The following PDZRN3 variants were observed in gnomAD, a reference collection of about 807,000 sequenced individuals.
The protein encoded by PDZRN3 is E3 ubiquitin-protein ligase PDZRN3.
A neutral mutation model predicts 85.7 loss-of-function variants in PDZRN3; 38 were observed. That is an observed-to-expected ratio of 0.44 (90% CI 0.34 to 0.58). PDZRN3 has a LOEUF of 0.58. Ranked by LOEUF, PDZRN3 falls within the 20% of genes least tolerant of loss-of-function variation. The pLI is 0.01. For missense variants in PDZRN3, 1,629 were observed against 1,506.4 expected (o/e 1.08, Z -1.35); for synonymous variants, 759 against 638.0 (o/e 1.19, Z -2.86).
At chr3:73,601,582 C>T (rs541553587) in intron 3 of PDZRN3, among the ~76,000 whole-genome samples, 2 of 152,196 alleles carry the variant, frequency 1.3e-5, no homozygotes, top group African/African-American at 4.8e-5. Flanking sequence ...GGTCAAAACA[C>T]CAGTAAAAAA....
At chr3:73,581,681 A>T (rs894962151) in intron 3 of PDZRN3, among the ~76,000 whole-genome samples, 2 of 152,198 alleles carry the variant, frequency 1.3e-5, no homozygotes, top group Admixed American at 6.5e-5. Flanking sequence ...ATGCAACATC[A>T]TGCATTTATT....
At chr3:73,440,434 G>A (rs1180707891) in intron 3 of PDZRN3, among the ~76,000 whole-genome samples, 1 of 152,174 alleles carries the variant, frequency 6.6e-6, no homozygotes, top group Non-Finnish European at 1.5e-5. Context: ...AGGCATCCCT[G>A]CCCTAGGCCA....
intron 1 of PDZRN3, among the ~76,000 whole-genome samples, chr3:73,612,324 C>T (rs948533019): frequency 1.3e-5 from 2 of 152,152 alleles, no homozygotes; most frequent in East Asian, 1.9e-4. Flanking sequence ...CTGGTGCCTA[C>T]GATCTTTGTA....
At chr3:73,519,284 T>A (rs1311324420) in intron 3 of PDZRN3, among the ~76,000 whole-genome samples, 2 of 152,046 alleles carry the variant, frequency 1.3e-5, no homozygotes, top group Admixed American at 1.3e-4. Flanking sequence ...TACAGCTGAA[T>A]GAAAAACAGC....
At chr3:73,509,551 C>T (rs1256297354) in intron 3 of PDZRN3, among the ~76,000 whole-genome samples, 1 of 152,136 alleles carries the variant, frequency 6.6e-6, no homozygotes, top group Non-Finnish European at 1.5e-5. Flanking sequence ...AGGGGCGTTC[C>T]CTCAGTACTC....
chr3:73,416,558 G>A (rs1238440827), intron 3 of PDZRN3, among the ~76,000 whole-genome samples: 1 of 151,882 alleles, frequency 6.6e-6, no homozygotes, highest in African/African-American at 2.4e-5. Flanking sequence ...CCTAACCTGG[G>A]GTATTATTTA....
At position 73,496,278 on chromosome 3, in the gene PDZRN3, C is replaced by A. The variant is rs184465485; in HGVS notation, c.919-91883G>T. On this transcript the variant is annotated intron_variant, in intron 3 of 9. Coordinates refer to ENST00000263666, the MANE Select transcript of PDZRN3 (RefSeq NM_015009.3). ...AGGGTTACAATCCAATTACCTCATTCTTTTTCTTCGGAGAGGTAAATATTC... is the reference window on the plus strand; with the variant it reads ...AGGGTTACAATCCAATTACCTCATTATTTTTCTTCGGAGAGGTAAATATTC... Among the ~76,000 whole-genome samples, 4 of 152,258 alleles carry A rather than the reference C, an allele frequency of 2.6e-5. No homozygotes were observed. In the East Asian group the frequency reaches 7.7e-4, roughly 29 times the overall value.
intron 3 of PDZRN3, among the ~76,000 whole-genome samples, chr3:73,479,626 C>A (rs1703523619): frequency 6.6e-6 from 1 of 152,160 alleles, no homozygotes; most frequent in Non-Finnish European, 1.5e-5. Context: ...GTTTGCTGAA[C>A]AGGCCCAAGC....
intron 3 of PDZRN3, among the ~76,000 whole-genome samples, chr3:73,444,936 G>A (rs1702719077): frequency 6.6e-6 from 1 of 152,202 alleles, no homozygotes; most frequent in African/African-American, 2.4e-5. Flanking sequence ...GGGCTGTGGT[G>A]CCTAGGGAAG....
At chr3:73,446,480 A>G (rs1395708312) in intron 3 of PDZRN3, among the ~76,000 whole-genome samples, 3 of 152,216 alleles carry the variant, frequency 2.0e-5, no homozygotes, top group Non-Finnish European at 4.4e-5. Context: ...TTTGTCTTAT[A>G]AGGACATTTA....
chr3:73,588,113 G>A (rs1702303774), intron 3 of PDZRN3, among the ~76,000 whole-genome samples: 1 of 152,124 alleles, frequency 6.6e-6, no homozygotes, highest in African/African-American at 2.4e-5. Flanking sequence ...AGGCCCTGGT[G>A]TGTGCTGTTC....
chr3:73,569,404 A>G, intron 3 of PDZRN3: 5 of 1,169,416 alleles, frequency 4.3e-6, no homozygotes, highest in Non-Finnish European at 5.3e-6. Flanking sequence ...TACCTGTACA[A>G]GAGTACATAT....
At chr3:73,605,877 T>G (rs899538488) in intron 2 of PDZRN3, among the ~76,000 whole-genome samples, 4 of 152,242 alleles carry the variant, frequency 2.6e-5, no homozygotes, top group African/African-American at 9.6e-5. Context: ...TTGAAAATAC[T>G]AATGCAAGCT....
At chr3:73,608,737 T>A in intron 1 of PDZRN3, 53 bp from the exon 2 acceptor site, 2 of 1,101,316 alleles carry the variant, frequency 1.8e-6, no homozygotes, top group Non-Finnish European at 2.7e-6. Flanking sequence ...GAATAGATGG[T>A]AGGAATTTTC....
intron 3 of PDZRN3, among the ~76,000 whole-genome samples, chr3:73,433,237 A>G (rs1410111013): frequency 6.6e-6 from 1 of 152,244 alleles, no homozygotes; most frequent in African/African-American, 2.4e-5. Flanking sequence ...GGAGCGCCTT[A>G]TAACTATTTG....
chr3:73,579,796 A>G (rs576553607), intron 3 of PDZRN3, among the ~76,000 whole-genome samples: 18 of 152,296 alleles, frequency 1.2e-4, no homozygotes, highest in African/African-American at 4.1e-4. Flanking sequence ...GGTTTGCTCC[A>G]TGGGATCTAT....
At chr3:73,414,785 A>C (rs940338956) in intron 3 of PDZRN3, among the ~76,000 whole-genome samples, 1 of 152,218 alleles carries the variant, frequency 6.6e-6, no homozygotes, top group Non-Finnish European at 1.5e-5. Context: ...ATAAATTATG[A>C]CAGATCTTCT....
intron 3 of PDZRN3, among the ~76,000 whole-genome samples, chr3:73,512,485 A>G (rs1704184925): frequency 6.6e-6 from 1 of 152,104 alleles, no homozygotes; most frequent in Non-Finnish European, 1.5e-5. Flanking sequence ...ATAAAACCCA[A>G]TGGCAGGCAT....
intron 3 of PDZRN3, among the ~76,000 whole-genome samples, chr3:73,514,773 A>G (rs543213345): frequency 6.6e-6 from 1 of 152,196 alleles, no homozygotes; most frequent in Non-Finnish European, 1.5e-5. Flanking sequence ...CACAATCTTG[A>G]GCTAAAATTG....
Sources: gnomAD v4.1 joint callset for allele counts (sites outside exome capture counted in the v4.1 genomes callset) on GRCh38, gnomAD v4.1.1 for gene constraint, MANE v1.5 for transcripts, NCBI Gene and HGNC (gene_info 2026-07-23, HGNC 2026-07-21) for gene names.